COL12A1: variants seen among roughly 807,000 people sequenced by gnomAD.
COL12A1 encodes the protein collagen type XII alpha 1 chain, also known as collagen alpha-1(XII) chain.
A neutral mutation model predicts 349.7 loss-of-function variants in COL12A1; 114 were observed. The observed-to-expected ratio is 0.33, with a 90% CI of 0.28 to 0.38. COL12A1 has a LOEUF of 0.38. Ranked by LOEUF, COL12A1 falls within the 10% of genes least tolerant of loss-of-function variation. The pLI, the probability that COL12A1 is intolerant of heterozygous loss-of-function variation, is 1.00. For missense variants in COL12A1, 3,284 were observed against 3,756.9 expected (o/e 0.87, Z 3.29); for synonymous variants, 1,369 against 1,329.0 (o/e 1.03, Z -0.66).
chr6:75,137,476 G>T lies in COL12A1; in HGVS notation c.5355C>A (p.Ile1785=). Residue 1785 remains isoleucine, a synonymous_variant, in exon 31 of 66, where the codon ATC becomes ATA. Coordinates refer to ENST00000322507, the MANE Select transcript of COL12A1 (RefSeq NM_004370.6). ...PASGRVQKYR[I]TYQPSTGEGN... ...CTTCCCCTGTGGAAGGCTGATAAGT[G>T]ATCCTATATTTCTGCACACGACCAC... 6.2e-7 allele frequency: 1 copy of T among 1,613,352 alleles called. No individual in the cohort carries two copies. The highest frequency in any genetic ancestry group is 1.7e-4 in the Middle Eastern group (1 of 6,060).
intron 60 of COL12A1, among the ~76,000 whole-genome samples, chr6:75,091,841 G>C (rs554744321): frequency 6.6e-6 from 1 of 152,102 alleles, no homozygotes; most frequent in Admixed American, 6.5e-5. Flanking sequence ...GATACATATG[G>C]AACTAAAATA....
chr6:75,145,960 G>A lies in COL12A1; in HGVS notation c.4560+142C>T, dbSNP rs1767165384. ...ATGCCAATGTTTTCTACAATGTGTT[G>A]CAGACCACAAACCTACTTTTCTATT... On this transcript the variant is annotated intron_variant, in intron 24 of 65. Transcript: ENST00000322507. The A allele has an allele frequency of 4.4e-6, 4 of 903,782 alleles. No homozygotes were observed. The South Asian group carries it at 9.6e-5, about 22-fold the overall frequency. 56.0% of individuals were successfully genotyped at this position (903,782 alleles called of 1,614,324 possible). A position where few individuals can be genotyped will look rare whatever the true frequency, so the allele number is the denominator to read the frequency against.
chr6:75,191,839 T>C (rs1388864933), intron 4 of COL12A1, 79 bp from the exon 5 acceptor site: 1 of 852,078 alleles, frequency 1.2e-6, no homozygotes, highest in Non-Finnish European at 1.7e-6. Context: ...ATATATTATA[T>C]TAGTTTTTGT....
At chr6:75,089,628 G>A (rs1767662415) in intron 63 of COL12A1, among the ~76,000 whole-genome samples, 1 of 152,122 alleles carries the variant, frequency 6.6e-6, no homozygotes, top group Admixed American at 6.5e-5. Context: ...GAAATATCTG[G>A]AATCAAATAG....
chr6:75,176,027 A>G (rs1487865973), intron 12 of COL12A1, among the ~76,000 whole-genome samples: 2 of 152,210 alleles, frequency 1.3e-5, no homozygotes, highest in African/African-American at 4.8e-5. Context: ...ATAAAGAGGT[A>G]TTGGGTCACA....
chr6:75,202,879 AC>A, intron 1 of COL12A1, 52 bp from the exon 2 acceptor site: 2 of 1,290,872 alleles, frequency 1.5e-6, no homozygotes, highest in Non-Finnish European at 1.1e-6. Context: ...CAGGCCTTGA[AC>A]CAGGTTAGAA....
intron 41 of COL12A1, 48 bp downstream of exon 41, chr6:75,124,207 G>C (rs1481599322): frequency 6.3e-7 from 1 of 1,594,882 alleles, no homozygotes; most frequent in East Asian, 2.2e-5. Flanking sequence ...AATTTAAAAT[G>C]TTTCCACTAC....
chr6:75,101,581 C>A lies in COL12A1; in HGVS notation c.8523+19G>T. Reference sequence around the variant, plus strand: ...GACATCATTTCCAACATCATTGTAGCCTGCTCAAGAAAACTTACTCTGTCT... The same window carrying A: ...GACATCATTTCCAACATCATTGTAGACTGCTCAAGAAAACTTACTCTGTCT... On this transcript the variant is annotated intron_variant, in intron 58 of 65. Coordinates refer to ENST00000322507, the MANE Select transcript of COL12A1 (RefSeq NM_004370.6). The A allele has an allele frequency of 6.2e-7, 1 of 1,609,460 alleles. No homozygotes were observed.
chr6:75,130,892 C>A lies in COL12A1; in HGVS notation c.6027G>T (p.Ser2009=), dbSNP rs747130111. The change falls in exon 36 of 66, where the codon TCG becomes TCT. Residue 2009 remains serine, a synonymous_variant. Transcript: ENST00000322507. ...LYSVNLVALY[S]DGEGNPSPAQ... ...CAGGGCTGGGATTTCCCTCTCCATC[C>A]GAGTACAGAGCCACAAGGTTCACGG... is the stretch of plus-strand genomic sequence containing the variant. The A allele has an allele frequency of 8.7e-6, 14 of 1,613,910 alleles. No homozygotes were observed. Among genetic ancestry groups the A allele is most frequent in the African/African-American group, 2.7e-5 (2 of 74,884 alleles).
chr6:75,109,179 ATT>A lies in COL12A1; in HGVS notation c.7951-14_7951-13del, dbSNP rs745783404. The A allele has an allele frequency of 8.5e-6, 13 of 1,532,956 alleles. No homozygotes were observed. Among genetic ancestry groups the A allele is most frequent in the Non-Finnish European group, 1.1e-5 (13 of 1,135,272 alleles). The allele number at this position is 1,532,956 out of a possible 1,614,324, so 95.0% of individuals were successfully genotyped here. A position where few individuals can be genotyped will look rare whatever the true frequency, so the allele number is the denominator to read the frequency against. ...ACTACAATATGAACCTAAAAAGATAATTTGTTTCCATTATAAAATTTCTACAC... is the reference window on the plus strand; with the variant it reads ...ACTACAATATGAACCTAAAAAGATAATGTTTCCATTATAAAATTTCTACAC... On this transcript the variant is annotated splice_polypyrimidine_tract_variant and intron_variant, in intron 51 of 65. Coordinates refer to ENST00000322507, the MANE Select transcript of COL12A1 (RefSeq NM_004370.6).
At chr6:75,141,009 A>C (rs534939992) in intron 27 of COL12A1, among the ~76,000 whole-genome samples, 3 of 152,306 alleles carry the variant, frequency 2.0e-5, no homozygotes, top group Admixed American at 6.5e-5. Context: ...ATGTCTCGTT[A>C]ATAATTATTG....
chr6:75,124,693 C>G (rs1425944389), intron 40 of COL12A1, among the ~76,000 whole-genome samples: 1 of 152,050 alleles, frequency 6.6e-6, no homozygotes, highest in Non-Finnish European at 1.5e-5. Flanking sequence ...GTTATCAAAG[C>G]AATGGTGACC....
At chr6:75,145,138 C>T (rs74698254) in intron 25 of COL12A1, among the ~76,000 whole-genome samples, 188 bp downstream of exon 25, 1 of 152,116 alleles carries the variant, frequency 6.6e-6, no homozygotes, top group Non-Finnish European at 1.5e-5. Flanking sequence ...TACACATCCT[C>T]GAATGAATTT....
chr6:75,133,968 C>T lies in COL12A1; in HGVS notation c.5554G>A (p.Val1852Met), dbSNP rs1166564694. Residue 1852 changes from valine to methionine, a missense_variant, in exon 33 of 66, where the codon GTG (valine) becomes ATG (methionine). By Grantham distance (21) the Val-to-Met change is conservative (BLOSUM62 1). Coordinates refer to ENST00000322507, the MANE Select transcript of COL12A1 (RefSeq NM_004370.6). ...AAGGTGCTGGTAGAAGGGTCATACACTCTCAGGTTCCTTACAGTGTTTAGA... is the reference window on the plus strand; with the variant it reads ...AAGGTGCTGGTAGAAGGGTCATACATTCTCAGGTTCCTTACAGTGTTTAGA... ...KPLNTVRNLR[V>M]YDPSTSTLNV... 1.9e-6 allele frequency: 3 copies of T among 1,613,864 alleles called. No homozygotes were observed. Among genetic ancestry groups the T allele is most frequent in the Middle Eastern group, 3.3e-4 (2 of 6,084 alleles).
Position 75,097,279 on chromosome 6 carries a change from C to T in COL12A1, c.8551G>A (p.Gly2851Arg). 6.2e-7 allele frequency: 1 copy of T among 1,613,794 alleles called. No individual in the cohort carries two copies. Among genetic ancestry groups the T allele is most frequent in the Non-Finnish European group, 8.5e-7 (1 of 1,179,786 alleles). Residue 2851 changes from glycine (G) to arginine (R), a missense_variant, in exon 59 of 66, where the codon GGA becomes AGA. Transcript: ENST00000322507. ...RGFTGKDGAM[G>R]PRGPPGPPGS... ...GGCGGCCCTGGTGGGCCCCTGGGTC[C>T]CATTGCACCGTCTTTTCCAGTGAAG... is the stretch of plus-strand genomic sequence containing the variant.
At chr6:75,143,157 T>A in intron 26 of COL12A1, 95 bp downstream of exon 26, 1 of 1,421,570 alleles carries the variant, frequency 7.0e-7, no homozygotes, top group Admixed American at 1.9e-5. Flanking sequence ...GTGACAAGTA[T>A]TCAAAACATG....
chr6:75,154,711 G>A (rs765864324), intron 16 of COL12A1, among the ~76,000 whole-genome samples, 174 bp from the exon 17 acceptor site: 3 of 151,994 alleles, frequency 2.0e-5, no homozygotes, highest in East Asian at 1.9e-4. Context: ...TCTCACTTAC[G>A]CTTACCCTGT....
At chr6:75,168,432 GCAAGTGGCTGAACTGGTCTTGGGGC>G (rs1383630784) in intron 13 of COL12A1, among the ~76,000 whole-genome samples, 1 of 152,204 alleles carries the variant, frequency 6.6e-6, no homozygotes, top group African/African-American at 2.4e-5. Context: ...ATGGAAGCTG[GCAAGTGGCTGAACTGGTCTTGGGGC>G]CAGGTATGCA....
chr6:75,145,606 G>GTT (rs1767137859), intron 24 of COL12A1, 151 bp from the exon 25 acceptor site: 5 of 369,694 alleles, frequency 1.4e-5, no homozygotes, highest in South Asian at 1.6e-4. Context: ...CCATGCTGAT[G>GTT]TTTTCTTTTT....
Sources: gnomAD v4.1 joint callset for allele counts (sites outside exome capture counted in the v4.1 genomes callset) on GRCh38, gnomAD v4.1.1 for gene constraint, MANE v1.5 for transcripts, NCBI Gene and HGNC (gene_info 2026-07-23, HGNC 2026-07-21) for gene names.